Variants in CACNA1B observed in about 807,000 individuals in gnomAD.
The protein encoded by CACNA1B is calcium voltage-gated channel subunit alpha1 B.
A neutral mutation model predicts 247.2 loss-of-function variants in CACNA1B; 70 were observed. The observed-to-expected ratio is 0.28, with a 90% CI of 0.23 to 0.35. The LOEUF is 0.35. CACNA1B is among the 10% of genes least tolerant of loss of function. The pLI is 1.00. For synonymous variants in CACNA1B, 1,231 were observed against 1,294.4 expected (o/e 0.95, Z 1.05); for missense variants, 2,367 against 3,197.4 (o/e 0.74, Z 6.26).
chr9:138,097,707 C>T (rs1306770390), intron 37 of CACNA1B, among the ~76,000 whole-genome samples: 2 of 152,184 alleles, frequency 1.3e-5, no homozygotes, highest in African/African-American at 4.8e-5. Flanking sequence ...CTGCCCAGGC[C>T]CCCTCGCACT....
chr9:137,998,933 A>G (rs1958531833), intron 15 of CACNA1B, among the ~76,000 whole-genome samples: 2 of 152,222 alleles, frequency 1.3e-5, no homozygotes, highest in East Asian at 3.8e-4. Context: ...TAGTGAATAG[A>G]ATATTCATTA....
rs1325788277 is a variant in CACNA1B at position 137,917,701 on chromosome 9, G to A, written c.966+270G>A. Among the ~76,000 whole-genome samples the A allele has an allele frequency of 1.3e-5, 2 of 152,242 alleles. No homozygotes were observed. The highest frequency in any genetic ancestry group is 2.9e-5 in the Non-Finnish European group (2 of 68,036). On this transcript the variant is annotated intron_variant, in intron 6 of 46. Coordinates refer to ENST00000371372, the MANE Select transcript of CACNA1B (RefSeq NM_000718.4). The surrounding 1 kb of genome is among the most constrained non-coding windows in gnomAD (Gnocchi z 5.5). ...ATGAAGCAGAAGGCTGACTGGTGGA[G>A]GTCAGAGAAGAAAACTCCAGAGGAG...
At position 137,914,120 on chromosome 9, in the gene CACNA1B, A is replaced by G. The variant is rs1957386353; in HGVS notation, c.623-534A>G. On this transcript the variant is annotated intron_variant, in intron 4 of 46. Transcript: ENST00000371372. This position sits in a 1 kb window ranked among gnomAD's most constrained non-coding sequence, Gnocchi z 4.3. ...TTAGGAATACCTGTACTTCTCCCCCAGGATCCCCTGCTCTTCCCTCCCAGG... is the reference window on the plus strand; with the variant it reads ...TTAGGAATACCTGTACTTCTCCCCCGGGATCCCCTGCTCTTCCCTCCCAGG... Among the ~76,000 whole-genome samples the G allele has an allele frequency of 6.6e-6, 1 of 152,016 alleles. No individual in the cohort carries two copies. The highest frequency in any genetic ancestry group is 2.4e-5 in the African/African-American group (1 of 41,382).
intron 20 of CACNA1B, among the ~76,000 whole-genome samples, chr9:138,033,075 C>G (rs1959004357): frequency 3.3e-5 from 5 of 151,998 alleles, no homozygotes. Flanking sequence ...TTTTTTAAGT[C>G]TACTTTCTCT....
intron 20 of CACNA1B, chr9:138,032,549 T>C: frequency 2.8e-6 from 1 of 362,460 alleles, no homozygotes; most frequent in Non-Finnish European, 5.3e-6. Flanking sequence ...TTAGGCATTC[T>C]TTTGTGGTAG....
rs1457478322 is a variant in CACNA1B, at chr9:138,059,645, T to C, written c.4585-9T>C. On this transcript the variant is annotated splice_polypyrimidine_tract_variant and intron_variant, in intron 30 of 46. Transcript: ENST00000371372. The surrounding 1 kb of genome is among the most constrained non-coding windows in gnomAD (Gnocchi z 4.2). ...GCCGCTGGCACTAACTGCTCTTCTT[T>C]TTCTCTAGAACTATTTCAGAGATGC... 9 of 1,571,562 alleles carry C rather than the reference T, an allele frequency of 5.7e-6. No homozygotes were observed. The highest frequency in any genetic ancestry group is 7.9e-6 in the Non-Finnish European group (9 of 1,141,234).
chr9:138,119,516 T>C (rs941340549), intron 44 of CACNA1B, among the ~76,000 whole-genome samples: 1 of 152,154 alleles, frequency 6.6e-6, no homozygotes, highest in African/African-American at 2.4e-5. Flanking sequence ...GAGCTGTGGA[T>C]CTGAACCTCG....
At chr9:138,090,806 A>G (rs1238475116) in intron 36 of CACNA1B, among the ~76,000 whole-genome samples, 1 of 151,146 alleles carries the variant, frequency 6.6e-6, no homozygotes, top group African/African-American at 2.4e-5. Context: ...GCCAGCTGGT[A>G]TAAGAAAAAG....
At chr9:137,982,009 A>G (rs971783582) in intron 12 of CACNA1B, among the ~76,000 whole-genome samples, 8 of 152,168 alleles carry the variant, frequency 5.3e-5, no homozygotes, top group Non-Finnish European at 1.2e-4. Flanking sequence ...CCACTCCCAC[A>G]TTTTAGGTTT....
chr9:138,053,546 C>T (rs568219316), intron 25 of CACNA1B, among the ~76,000 whole-genome samples: 2 of 152,266 alleles, frequency 1.3e-5, no homozygotes, highest in African/African-American at 4.8e-5. Flanking sequence ...CTTCCGGCCC[C>T]TCCCTGTGGC....
At chr9:138,074,209 C>T in intron 34 of CACNA1B, 143 bp downstream of exon 34, 2 of 704,502 alleles carry the variant, frequency 2.8e-6, no homozygotes, top group Non-Finnish European at 5.1e-6. Flanking sequence ...CTGCTTTGAG[C>T]ACTTGCTGAA....
At chr9:137,902,880 G>A (rs918550451) in intron 3 of CACNA1B, among the ~76,000 whole-genome samples, 1 of 152,182 alleles carries the variant, frequency 6.6e-6, no homozygotes, top group Non-Finnish European at 1.5e-5. Flanking sequence ...CTGATGTCCC[G>A]GCAACCCCCA....
chr9:138,066,942 A>T (rs1959940551), intron 31 of CACNA1B, among the ~76,000 whole-genome samples: 1 of 152,216 alleles, frequency 6.6e-6, no homozygotes, highest in Non-Finnish European at 1.5e-5. Flanking sequence ...GTCTAAACTT[A>T]GTTCTTTAAA....
At position 137,913,282 on chromosome 9, in the gene CACNA1B, C is replaced by A; in HGVS notation, c.622+11C>A. On this transcript the variant is annotated intron_variant, in intron 4 of 46. Transcript: ENST00000371372. This position sits in a 1 kb window ranked among gnomAD's most constrained non-coding sequence, Gnocchi z 5.2. ...TGTCTGGGATTCCAAGTGAGTCCAG[C>A]GAAGACAGGCCCAAGCCGGCTTGGA... 5 of 1,604,684 alleles carry A rather than the reference C, an allele frequency of 3.1e-6. No individual in the cohort carries two copies. Among genetic ancestry groups the A allele is most frequent in the Non-Finnish European group, 4.3e-6 (5 of 1,171,642 alleles).
chr9:138,053,739 C>T, intron 25 of CACNA1B, 107 bp from the exon 26 acceptor site: 1 of 854,688 alleles, frequency 1.2e-6, no homozygotes, highest in Non-Finnish European at 1.9e-6. Context: ...GCTTCACCCC[C>T]TCATCGTGGC....
At chr9:138,076,777 A>ATG (rs1354813961) in intron 35 of CACNA1B, among the ~76,000 whole-genome samples, 1 of 152,218 alleles carries the variant, frequency 6.6e-6, no homozygotes, top group Non-Finnish European at 1.5e-5. Context: ...ATTTCAGTCC[A>ATG]TGTGTGCAAA....
In CACNA1B at chr9:138,058,238, G is replaced by A. The variant is rs2229950; in HGVS notation, c.4296G>A (p.Leu1432=). Residue 1432 remains leucine (L), a synonymous_variant, in exon 28 of 47, where the codon CTG becomes CTA. Coordinates refer to ENST00000371372, the MANE Select transcript of CACNA1B (RefSeq NM_000718.4). The surrounding 1 kb of genome is among the most constrained non-coding windows in gnomAD (Gnocchi z 4.7). The stretch of plus-strand genomic sequence containing the variant: ...ACAAGGTGATGTCTGAATGCAGCCT[G>A]GAGAAGAACGAGGTAGGTGGACGCT... The part of the protein sequence containing the change: ...QGDKVMSECS[L]EKNERACIDF... The A allele has an allele frequency of 0.039, 62,682 of 1,613,368 alleles. 9,312 individuals carry two copies. The African/African-American group carries it at 0.46, about 12-fold the overall frequency.
rs1959267405 is a variant in CACNA1B, at chr9:138,051,309, T to C, written c.3711-783T>C. Among the ~76,000 whole-genome samples, 1 of 151,842 alleles carries C rather than the reference T, an allele frequency of 6.6e-6. No homozygotes were observed. Among genetic ancestry groups the C allele is most frequent in the African/African-American group, 2.4e-5 (1 of 41,346 alleles). ...TGGCTTTTTCTTGGAGGGGCCCTGA[T>C]TGAGGCCCTCTGGTTCTGTACTTCT... On this transcript the variant is annotated intron_variant, in intron 24 of 46. Transcript: ENST00000371372. The surrounding 1 kb of genome is among the most constrained non-coding windows in gnomAD (Gnocchi z 4.3).
At chr9:137,946,126 C>A (rs1589024440) in intron 6 of CACNA1B, among the ~76,000 whole-genome samples, 1 of 152,142 alleles carries the variant, frequency 6.6e-6, no homozygotes, top group Admixed American at 6.5e-5. Context: ...AGTCATATCC[C>A]TCTTTTAAAA....
Sources: gnomAD v4.1 joint callset for allele counts (sites outside exome capture counted in the v4.1 genomes callset) on GRCh38, gnomAD v4.1.1 for gene constraint, Gnocchi (gnomAD v3.1) non-coding constraint, MANE v1.5 for transcripts, NCBI Gene and HGNC (gene_info 2026-07-23, HGNC 2026-07-21) for gene names.